PDE9A: variants seen among roughly 807,000 people sequenced by gnomAD.
PDE9A encodes the protein phosphodiesterase 9A, also known as high affinity cGMP-specific 3',5'-cyclic phosphodiesterase 9A.
A neutral mutation model predicts 87.4 loss-of-function variants in PDE9A; 60 were observed. The observed-to-expected ratio is 0.69, with a 90% CI of 0.56 to 0.85. PDE9A has a LOEUF of 0.85. Among genes scored for constraint, PDE9A ranks in the 40% least tolerant of loss-of-function variants. PDE9A has a pLI of 0.00. For missense variants in PDE9A, 665 were observed against 779.0 expected (o/e 0.85, Z 1.74); for synonymous variants, 272 against 279.4 (o/e 0.97, Z 0.27).
chr21:42,719,493 T>G (rs1022829370), intron 4 of PDE9A, among the ~76,000 whole-genome samples: 1 of 146,806 alleles, frequency 6.8e-6, no homozygotes, highest in African/African-American at 2.6e-5. Flanking sequence ...TTGAAAAAAT[T>G]AGCCGGGTGT....
chr21:42,694,586 T>A lies in PDE9A; in HGVS notation c.219-4382T>A, dbSNP rs2060044931. ...GCTCCTCATTCCAAACTAAACAAAT[T>A]GTTGCATTGGATTATTCTTTCAAAA... On this transcript the variant is annotated intron_variant, in intron 3 of 19. Transcript: ENST00000291539. This position sits in a 1 kb window ranked among gnomAD's most constrained non-coding sequence, Gnocchi z 5.3. 6.6e-6 allele frequency among the ~76,000 whole-genome samples: 1 copy of A among 152,204 alleles called. No homozygotes were observed. Among genetic ancestry groups the A allele is most frequent in the Admixed American group, 6.5e-5 (1 of 15,284 alleles).
At chr21:42,774,011 G>A (rs1055079570) in intron 19 of PDE9A, among the ~76,000 whole-genome samples, 17 of 151,842 alleles carry the variant, frequency 1.1e-4, no homozygotes, top group South Asian at 8.3e-4. Context: ...AGGCTGAGGC[G>A]GAGCTTGCAG....
At chr21:42,737,889 T>C (rs1023936934) in intron 7 of PDE9A, among the ~76,000 whole-genome samples, 1 of 152,264 alleles carries the variant, frequency 6.6e-6, no homozygotes, top group Non-Finnish European at 1.5e-5. Flanking sequence ...TTCCTCTGAA[T>C]TGAATATAAA....
chr21:42,677,002 C>T (rs962668049), intron 1 of PDE9A, among the ~76,000 whole-genome samples: 1 of 152,216 alleles, frequency 6.6e-6, no homozygotes, highest in African/African-American at 2.4e-5. Flanking sequence ...GCCTCATTAA[C>T]CAGCTGCCCT....
intron 2 of PDE9A, 119 bp from the exon 3 acceptor site, chr21:42,687,798 G>T (rs2059557509): frequency 2.6e-6 from 2 of 782,304 alleles, no homozygotes; most frequent in Non-Finnish European, 2.2e-6. Context: ...ACCACACCTT[G>T]GTCAGGCTGG....
rs568511651 is a variant in PDE9A at position 42,715,877 on chromosome 21, G to A, written c.263-15893G>A. On this transcript the variant is annotated intron_variant, in intron 4 of 19. Transcript: ENST00000291539. Reference sequence around the variant, plus strand: ...TCCCATCCCAGTCTCAGACAGAATCGGTTCACTGCCTTCAAAACCCCCTGT... The same window carrying A: ...TCCCATCCCAGTCTCAGACAGAATCAGTTCACTGCCTTCAAAACCCCCTGT... 3.4e-4 allele frequency among the ~76,000 whole-genome samples: 51 copies of A among 151,720 alleles called. 1 individual carries two copies. The highest frequency in any genetic ancestry group is 1.0e-3 in the African/African-American group (42 of 41,480).
chr21:42,720,872 G>A (rs2050441386), intron 4 of PDE9A, among the ~76,000 whole-genome samples: 1 of 151,376 alleles, frequency 6.6e-6, no homozygotes. Context: ...CGGCGTGGTG[G>A]TGCATGTCTG....
chr21:42,701,054 G>T (rs1052849471), intron 4 of PDE9A: 18 of 152,190 alleles, frequency 1.2e-4, no homozygotes, highest in African/African-American at 4.1e-4. Context: ...AATGTGGGAA[G>T]AATTAATATC....
At chr21:42,697,754 A>G (rs947482627) in intron 3 of PDE9A, among the ~76,000 whole-genome samples, 8 of 152,166 alleles carry the variant, frequency 5.3e-5, no homozygotes, top group Non-Finnish European at 7.4e-5. Context: ...ACCCCATCCC[A>G]TGGGCCCCAC....
At chr21:42,670,638 TA>T (rs2058486659) in intron 1 of PDE9A, among the ~76,000 whole-genome samples, 1 of 149,902 alleles carries the variant, frequency 6.7e-6, no homozygotes, top group Admixed American at 6.6e-5. Flanking sequence ...CACATACACT[TA>T]CAAACTATCA....
At chr21:42,769,537 GGCACACAAAT>G (rs1369862698) in intron 17 of PDE9A, among the ~76,000 whole-genome samples, 1 of 112,640 alleles carries the variant, frequency 8.9e-6, no homozygotes, top group Non-Finnish European at 1.7e-5. Flanking sequence ...GGCACACACA[GGCACACAAAT>G]GCACACACAG....
At chr21:42,674,688 A>G (rs1601970513) in intron 1 of PDE9A, among the ~76,000 whole-genome samples, 1 of 151,742 alleles carries the variant, frequency 6.6e-6, no homozygotes, top group African/African-American at 2.4e-5. Context: ...TCCTCCAGGA[A>G]CCTTCCTCTC....
intron 4 of PDE9A, 122 bp from the exon 5 acceptor site, chr21:42,731,648 T>C (rs2051764417): frequency 1.0e-6 from 1 of 993,762 alleles, no homozygotes; most frequent in African/African-American, 1.6e-5. Context: ...GAGAACACCG[T>C]GTTCTGAATT....
chr21:42,770,809 C>T lies in PDE9A; in HGVS notation c.1686+11C>T, dbSNP rs749911706. 1.8e-5 allele frequency: 29 copies of T among 1,600,150 alleles called. No individual in the cohort carries two copies. The South Asian group carries it at 2.6e-4, about 15-fold the overall frequency. ...GACGCCATGAAAGAGGTAAAACACA[C>T]TGAGAAGAGCCTGCCTTCCTTGCGG... On this transcript the variant is annotated intron_variant, in intron 18 of 19. Coordinates refer to ENST00000291539, the MANE Select transcript of PDE9A (RefSeq NM_002606.3).
At chr21:42,715,523 A>G (rs11203210) in intron 4 of PDE9A, among the ~76,000 whole-genome samples, 17,009 of 151,542 alleles carry the variant, frequency 0.11, 1,460 homozygotes, top group East Asian at 0.35. Context: ...ACTACTTGGC[A>G]GGGGAATCGC....
At chr21:42,690,553 C>G (rs1049948074) in intron 3 of PDE9A, among the ~76,000 whole-genome samples, 3 of 151,970 alleles carry the variant, frequency 2.0e-5, no homozygotes, top group Non-Finnish European at 2.9e-5. Context: ...GGGGGCGGCA[C>G]GTGCTGAGAT....
intron 8 of PDE9A, among the ~76,000 whole-genome samples, chr21:42,746,420 C>T (rs1272148585): frequency 6.6e-6 from 1 of 152,212 alleles, no homozygotes; most frequent in African/African-American, 2.4e-5. Context: ...GGGGAGGGAC[C>T]TTCCCGGTCT....
intron 10 of PDE9A, among the ~76,000 whole-genome samples, chr21:42,756,293 G>T (rs535575548): frequency 1.2e-4 from 19 of 152,334 alleles, no homozygotes; most frequent in African/African-American, 4.6e-4. Context: ...GAATTTTGGA[G>T]TGTGAGTGGC....
intron 4 of PDE9A, among the ~76,000 whole-genome samples, chr21:42,707,873 A>C (rs1167605690): frequency 6.6e-6 from 1 of 152,216 alleles, no homozygotes; most frequent in African/African-American, 2.4e-5. Context: ...CCACTTGGTA[A>C]GCGCCCAGTA....
Sources: gnomAD v4.1 joint callset for allele counts (sites outside exome capture counted in the v4.1 genomes callset) on GRCh38, gnomAD v4.1.1 for gene constraint, Gnocchi (gnomAD v3.1) non-coding constraint, MANE v1.5 for transcripts, NCBI Gene and HGNC (gene_info 2026-07-23, HGNC 2026-07-21) for gene names.